The following GRM7 variants were observed in gnomAD, a reference collection of about 807,000 sequenced individuals.
The protein encoded by GRM7 is metabotropic glutamate receptor 7.
GRM7 carries 35 observed loss-of-function variants against 84.5 expected under a neutral mutation model. The observed-to-expected ratio is 0.41, with a 90% CI of 0.32 to 0.55. The LOEUF (loss-of-function observed/expected upper bound fraction) is 0.55. Ranked by LOEUF, GRM7 falls within the 20% of genes least tolerant of loss-of-function variation. The probability of loss-of-function intolerance (pLI) is 0.19; values close to 1 mark genes in which losing one functional copy is unlikely to be tolerated. For synonymous variants in GRM7, 487 were observed against 455.1 expected, an observed-to-expected ratio of 1.07 and a Z score of -0.89; for missense variants, 1,003 against 1,194.6, an observed-to-expected ratio of 0.84 and a Z score of 2.36.
At chr3:7,542,850 C>A (rs771914724) in intron 7 of GRM7, among the ~76,000 whole-genome samples, 3 of 152,026 alleles carry the variant, frequency 2.0e-5, no homozygotes, top group African/African-American at 7.2e-5. Flanking sequence ...CCAGCCCATG[C>A]GTAGCAATTT....
rs368512253 is a variant in GRM7 at position 6,862,381 on chromosome 3, G to A, written c.519+474G>A. Among the ~76,000 whole-genome samples the A allele has an allele frequency of 1.3e-3, 195 of 152,058 alleles. No individual in the cohort carries two copies. The highest frequency in any genetic ancestry group is 3.6e-3 in the African/African-American group (149 of 41,500). On this transcript the variant is annotated intron_variant, in intron 1 of 9. Coordinates refer to ENST00000357716, the MANE Select transcript of GRM7 (RefSeq NM_000844.4). The surrounding 1 kb of genome is among the most constrained non-coding windows in gnomAD (Gnocchi z 5.2). ...CCTGCACTCCCTTGAAAAATTTGGA[G>A]ACAGCCTTAAGGAGGCACTTCTTAA... is the stretch of plus-strand genomic sequence containing the variant.
At chr3:7,317,919 CCTCT>C (rs1041382296) in intron 4 of GRM7, among the ~76,000 whole-genome samples, 1 of 151,936 alleles carries the variant, frequency 6.6e-6, no homozygotes, top group Non-Finnish European at 1.5e-5. Flanking sequence ...TCTTGAAATA[CCTCT>C]CTATTTTATT....
chr3:7,611,483 T>C (rs893549277), intron 8 of GRM7, among the ~76,000 whole-genome samples: 1 of 152,106 alleles, frequency 6.6e-6, no homozygotes, highest in Non-Finnish European at 1.5e-5. Context: ...CCACCTATCA[T>C]CATCATGCCT....
At chr3:7,180,829 G>C (rs1302592881) in intron 2 of GRM7, among the ~76,000 whole-genome samples, 1 of 152,032 alleles carries the variant, frequency 6.6e-6, no homozygotes, top group Non-Finnish European at 1.5e-5. Context: ...TATTCCTTTT[G>C]TTCCTACTTT....
At chr3:7,509,941 G>C (rs1700148395) in intron 7 of GRM7, among the ~76,000 whole-genome samples, 1 of 152,172 alleles carries the variant, frequency 6.6e-6, no homozygotes. Flanking sequence ...CTTGGAAAAA[G>C]AGAGCTAAAC....
chr3:7,382,556 T>C (rs1374343167), intron 4 of GRM7, among the ~76,000 whole-genome samples: 3 of 152,220 alleles, frequency 2.0e-5, no homozygotes, highest in Non-Finnish European at 4.4e-5. Context: ...ATGTTCATGT[T>C]TTGTTCCCTC....
At chr3:7,362,909 C>A (rs527487233) in intron 4 of GRM7, among the ~76,000 whole-genome samples, 1 of 152,108 alleles carries the variant, frequency 6.6e-6, no homozygotes, top group South Asian at 2.1e-4. Context: ...GGAAGGATTG[C>A]TTGAAGCCAG....
intron 1 of GRM7, among the ~76,000 whole-genome samples, chr3:7,105,936 G>A (rs1207145177): frequency 6.6e-6 from 1 of 151,556 alleles, no homozygotes; most frequent in African/African-American, 2.4e-5. Context: ...TCCCCATTTG[G>A]AATTTATATT....
In GRM7 at chr3:7,048,480, T is replaced by A. The variant is rs1360610252; in HGVS notation, c.520-97972T>A. ...TTTGCTGACCAAAGAAAATGTAGGT[T>A]GTCATGTTTAAAGAAAAAAAAAAGA... On this transcript the variant is annotated intron_variant, in intron 1 of 9. Coordinates refer to ENST00000357716, the MANE Select transcript of GRM7 (RefSeq NM_000844.4). Among the ~76,000 whole-genome samples the A allele has an allele frequency of 2.6e-5, 4 of 151,876 alleles. No individual in the cohort carries two copies. The South Asian group carries it at 6.2e-4, about 24-fold the overall frequency.
At chr3:7,456,257 C>A (rs1023914182) in intron 6 of GRM7, among the ~76,000 whole-genome samples, 4 of 151,884 alleles carry the variant, frequency 2.6e-5, no homozygotes, top group Non-Finnish European at 5.9e-5. Flanking sequence ...TTCCCTGATT[C>A]TTCTTTTAGA....
intron 1 of GRM7, among the ~76,000 whole-genome samples, chr3:7,047,470 T>A (rs1455984500): frequency 2.0e-5 from 3 of 152,050 alleles, no homozygotes; most frequent in Non-Finnish European, 4.4e-5. Context: ...CTCTCACCAG[T>A]GGGAACCAAG....
At chr3:6,912,348 G>C (rs1435205295) in intron 1 of GRM7, among the ~76,000 whole-genome samples, 1 of 152,090 alleles carries the variant, frequency 6.6e-6, no homozygotes, top group African/African-American at 2.4e-5. Context: ...AACTTCATTT[G>C]GCTATGCAAA....
chr3:7,631,984 A>G (rs1697877848), intron 8 of GRM7, among the ~76,000 whole-genome samples: 9 of 152,184 alleles, frequency 5.9e-5, no homozygotes. Context: ...TCTCTTTAAG[A>G]GGATGATATT....
intron 4 of GRM7, among the ~76,000 whole-genome samples, chr3:7,392,411 C>T (rs566117523): frequency 2.9e-4 from 44 of 152,330 alleles, no homozygotes; most frequent in African/African-American, 1.0e-3. Flanking sequence ...GCCCTTCCCA[C>T]GCTCCAGAGC....
intron 4 of GRM7, among the ~76,000 whole-genome samples, chr3:7,309,291 C>T (rs565187028): frequency 6.6e-6 from 1 of 151,956 alleles, no homozygotes; most frequent in African/African-American, 2.4e-5. Flanking sequence ...AGCTTCTGAA[C>T]AAAACTATGA....
At chr3:7,547,166 T>C (rs1456627355) in intron 7 of GRM7, among the ~76,000 whole-genome samples, 4 of 151,412 alleles carry the variant, frequency 2.6e-5, no homozygotes, top group Non-Finnish European at 5.9e-5. Flanking sequence ...CAGTGGCCTT[T>C]CTCAGCACAG....
chr3:6,891,280 A>G (rs983530211), intron 1 of GRM7, among the ~76,000 whole-genome samples: 4 of 152,200 alleles, frequency 2.6e-5, no homozygotes, highest in Non-Finnish European at 4.4e-5. Context: ...TCATTATGAT[A>G]TTAGCTGGTT....
rs1330987324 is a variant in GRM7, at chr3:7,559,710, G to C, written c.1516-18712G>C. 2.0e-5 allele frequency among the ~76,000 whole-genome samples: 3 copies of C among 152,084 alleles called. No homozygotes were observed. In the East Asian group the frequency reaches 5.8e-4, roughly 29 times the overall value. On this transcript the variant is annotated intron_variant, in intron 7 of 9. Coordinates refer to ENST00000357716, the MANE Select transcript of GRM7 (RefSeq NM_000844.4). ...TCAAATCTGATTTATACAAATCAGTGGTCTTACCTAGTACACTGATCAGCT... is the reference window on the plus strand; with the variant it reads ...TCAAATCTGATTTATACAAATCAGTCGTCTTACCTAGTACACTGATCAGCT...
At chr3:7,296,203 A>T (rs1699810086) in intron 2 of GRM7, among the ~76,000 whole-genome samples, 1 of 152,062 alleles carries the variant, frequency 6.6e-6, no homozygotes, top group South Asian at 2.1e-4. Flanking sequence ...TTGATTTTTC[A>T]AATAATAAAT....
Sources: gnomAD v4.1 joint callset for allele counts (sites outside exome capture counted in the v4.1 genomes callset) on GRCh38, gnomAD v4.1.1 for gene constraint, Gnocchi (gnomAD v3.1) non-coding constraint, MANE v1.5 for transcripts, NCBI Gene and HGNC (gene_info 2026-07-23, HGNC 2026-07-21) for gene names.